Variants in NBEA observed in about 807,000 individuals in gnomAD.
NBEA encodes the protein lysosomal-trafficking regulator 2.
NBEA carries 44 observed loss-of-function variants against 343.4 expected under a neutral mutation model. That is an observed-to-expected ratio of 0.13 (90% CI 0.10 to 0.16). The LOEUF is 0.16. Among genes scored for constraint, NBEA ranks in the 10% least tolerant of loss-of-function variants. The probability of loss-of-function intolerance (pLI) is 1.00; values close to 1 mark genes in which losing one functional copy is unlikely to be tolerated. For missense variants in NBEA, 2,555 were observed against 3,631.3 expected (o/e 0.70, Z 7.62); for synonymous variants, 1,175 against 1,238.7 (o/e 0.95, Z 1.08).
chr13:35,422,254 C>T (rs372766372), intron 38 of NBEA, among the ~76,000 whole-genome samples: 1 of 150,640 alleles, frequency 6.6e-6, no homozygotes, highest in Non-Finnish European at 1.5e-5. Context: ...CCCATTAACT[C>T]GTCATTTAGC....
intron 1 of NBEA, among the ~76,000 whole-genome samples, chr13:34,989,975 G>T (rs1196597801): frequency 6.6e-6 from 1 of 151,118 alleles, no homozygotes; most frequent in Non-Finnish European, 1.5e-5. Context: ...AAATTTTAAA[G>T]CTCCAAAATA....
intron 38 of NBEA, among the ~76,000 whole-genome samples, chr13:35,391,809 G>T (rs1440910396): frequency 6.6e-6 from 1 of 152,024 alleles, no homozygotes; most frequent in Non-Finnish European, 1.5e-5. Flanking sequence ...ACTATCTCTG[G>T]CATTGATTGT....
At chr13:35,407,340 C>T (rs1176898575) in intron 38 of NBEA, among the ~76,000 whole-genome samples, 1 of 151,790 alleles carries the variant, frequency 6.6e-6, no homozygotes, top group African/African-American at 2.4e-5. Context: ...CCTTCAGATA[C>T]CAGAAAATTA....
Position 35,118,198 on chromosome 13 carries a change from T to C in NBEA, c.2083-30T>C, listed in dbSNP as rs770986937. The C allele has an allele frequency of 2.2e-5, 29 of 1,331,620 alleles. No homozygotes were observed. In the East Asian group the frequency reaches 4.6e-4, roughly 21 times the overall value. 82.5% of individuals were successfully genotyped at this position (1,331,620 alleles called of 1,614,324 possible). A position where few individuals can be genotyped will look rare whatever the true frequency, so the allele number is the denominator to read the frequency against. ...TAAATTAAAATTTTAATTTTAGATG[T>C]AAAGTAATAAAATATTTTTTAAAAA... On this transcript the variant is annotated intron_variant, in intron 14 of 58. Transcript: ENST00000379939.
intron 44 of NBEA, among the ~76,000 whole-genome samples, chr13:35,562,844 T>C (rs974352694): frequency 6.6e-6 from 1 of 152,088 alleles, no homozygotes; most frequent in African/African-American, 2.4e-5. Flanking sequence ...TTTGCTGTCA[T>C]TAACATTTTC....
At chr13:35,358,059 T>C (rs2040595244) in intron 38 of NBEA, among the ~76,000 whole-genome samples, 1 of 152,152 alleles carries the variant, frequency 6.6e-6, no homozygotes. Flanking sequence ...TCTCACGCTG[T>C]CACCCAGGCT....
At chr13:35,109,557 T>A (rs1397395204) in intron 12 of NBEA, 115 bp downstream of exon 12, 3 of 980,258 alleles carry the variant, frequency 3.1e-6, no homozygotes, top group Non-Finnish European at 4.2e-6. Context: ...TTATAGTTAA[T>A]CTGTGGCAAT....
intron 35 of NBEA, among the ~76,000 whole-genome samples, chr13:35,291,147 A>T (rs2035778944): frequency 6.6e-6 from 1 of 151,894 alleles, no homozygotes; most frequent in African/African-American, 2.4e-5. Context: ...TATCCTGATT[A>T]TCATATTAGT....
intron 39 of NBEA, among the ~76,000 whole-genome samples, chr13:35,432,899 A>T (rs550857339): frequency 3.3e-4 from 50 of 152,142 alleles, no homozygotes; most frequent in African/African-American, 9.6e-4. Flanking sequence ...TGTATATATT[A>T]AAAAAGTTTT....
chr13:35,498,986 G>A (rs2076786126), intron 41 of NBEA, among the ~76,000 whole-genome samples: 1 of 152,044 alleles, frequency 6.6e-6, no homozygotes, highest in Non-Finnish European at 1.5e-5. Context: ...CCAGGCAATT[G>A]AAGAATAGGT....
In NBEA at chr13:35,554,083, A is replaced by G. The variant is rs74044730; in HGVS notation, c.6807-904A>G. On this transcript the variant is annotated intron_variant, in intron 43 of 58. Transcript: ENST00000379939. ...ACACACCCCATTAGTAAATGTGGTT[A>G]TTTAAGAATGAAATATAAATATTTC... 2.7e-3 allele frequency among the ~76,000 whole-genome samples: 410 copies of G among 152,342 alleles called. 3 individuals carry two copies. Among genetic ancestry groups the G allele is most frequent in the African/African-American group, 9.3e-3 (387 of 41,588 alleles).
chr13:35,663,602 T>C (rs1054377462), intron 55 of NBEA, among the ~76,000 whole-genome samples: 1 of 152,264 alleles, frequency 6.6e-6, no homozygotes, highest in Non-Finnish European at 1.5e-5. Flanking sequence ...TCTGATTTGC[T>C]GATTTCCTTT....
At chr13:35,652,516 C>T (rs985713399) in intron 53 of NBEA, among the ~76,000 whole-genome samples, 12 of 149,682 alleles carry the variant, frequency 8.0e-5, no homozygotes, top group Admixed American at 4.0e-4. Flanking sequence ...TGGCGGGCAC[C>T]TGTAGTCCCA....
chr13:34,977,529 G>C (rs926487611), intron 1 of NBEA, among the ~76,000 whole-genome samples: 3 of 151,970 alleles, frequency 2.0e-5, no homozygotes. Flanking sequence ...GGCTGATCTC[G>C]AACTCCTGAC....
intron 1 of NBEA, among the ~76,000 whole-genome samples, chr13:35,021,572 GA>G (rs2061840227): frequency 6.6e-6 from 1 of 151,204 alleles, no homozygotes; most frequent in East Asian, 1.9e-4. Context: ...TGGATTAATT[GA>G]ATATTTGTTA....
intron 1 of NBEA, among the ~76,000 whole-genome samples, chr13:35,020,046 A>C (rs2061783911): frequency 6.6e-6 from 1 of 151,172 alleles, no homozygotes; most frequent in African/African-American, 2.4e-5. Flanking sequence ...TTTTTCTTTG[A>C]CTTATTTTGA....
Position 35,308,524 on chromosome 13 carries a change from A to ATATATATG in NBEA, c.5839-988_5839-981dup, listed in dbSNP as rs1211335292. ...TGTATATATATATGTGTATATATGT[A>ATATATATG]TATATATGTATATATGTATATATAT... is the stretch of plus-strand genomic sequence containing the variant. On this transcript the variant is annotated intron_variant, in intron 35 of 58. Transcript: ENST00000379939. Among the ~76,000 whole-genome samples the ATATATATG allele has an allele frequency of 7.5e-3, 872 of 116,704 alleles. 8 individuals carry two copies. The highest frequency in any genetic ancestry group is 0.012 in the Non-Finnish European group (651 of 56,590). The allele number at this position is 116,704 out of a possible 152,430, so 76.6% of individuals were successfully genotyped here.
intron 38 of NBEA, among the ~76,000 whole-genome samples, chr13:35,423,971 G>T (rs1212806486): frequency 6.6e-6 from 1 of 152,176 alleles, no homozygotes; most frequent in Non-Finnish European, 1.5e-5. Context: ...TGGTGTGTAA[G>T]AATGCTTGTG....
chr13:35,570,990 C>A (rs538340281), intron 45 of NBEA, among the ~76,000 whole-genome samples: 1 of 152,156 alleles, frequency 6.6e-6, no homozygotes, highest in Non-Finnish European at 1.5e-5. Context: ...TCTTCAGAAG[C>A]TCAAGGAAAA....
Sources: gnomAD v4.1 joint callset for allele counts (sites outside exome capture counted in the v4.1 genomes callset) on GRCh38, gnomAD v4.1.1 for gene constraint, MANE v1.5 for transcripts, NCBI Gene and HGNC (gene_info 2026-07-23, HGNC 2026-07-21) for gene names.